HOMER1: variants seen among roughly 807,000 people sequenced by gnomAD.
HOMER1 encodes the protein homer scaffold protein 1.
A neutral mutation model predicts 48.9 loss-of-function variants in HOMER1; 3 were observed. The ratio of observed to expected loss-of-function variants is 0.06; its 90% CI spans 0.03 to 0.16. HOMER1 has a LOEUF of 0.16. HOMER1 is among the 10% of genes least tolerant of loss of function. The pLI is 1.00. For missense variants in HOMER1, 247 were observed against 411.4 expected (o/e 0.60, Z 3.46); for synonymous variants, 134 against 146.4 (o/e 0.92, Z 0.61).
Position 79,503,076 on chromosome 5 carries a change from T to C in HOMER1, c.5+9694A>G, listed in dbSNP as rs190332112. Among the ~76,000 whole-genome samples, 1,416 of 152,114 alleles carry C rather than the reference T, an allele frequency of 9.3e-3. 6 individuals are homozygous for C. Among genetic ancestry groups the C allele is most frequent in the Non-Finnish European group, 0.013 (877 of 67,982 alleles). ...TGCTGGGATTACAGGCGTGAGCCAC[T>C]GCGCCCAGCCTGCATGTAACTTTTA... On this transcript the variant is annotated intron_variant, in intron 1 of 8. Transcript: ENST00000334082.
intron 8 of HOMER1, among the ~76,000 whole-genome samples, chr5:79,391,717 T>C (rs1749258044): frequency 6.7e-6 from 1 of 149,682 alleles, no homozygotes; most frequent in African/African-American, 2.5e-5. Flanking sequence ...CATTCCAGCC[T>C]GGGCAACAGA....
chr5:79,387,726 C>T (rs1015309349), intron 8 of HOMER1, among the ~76,000 whole-genome samples: 1 of 152,096 alleles, frequency 6.6e-6, no homozygotes, highest in Non-Finnish European at 1.5e-5. Flanking sequence ...AACATACATT[C>T]TATAAGGAAG....
chr5:79,424,499 T>C (rs1750189522), intron 5 of HOMER1, among the ~76,000 whole-genome samples: 2 of 152,014 alleles, frequency 1.3e-5, no homozygotes, highest in Non-Finnish European at 2.9e-5. Context: ...TTCATAACTA[T>C]GGGAAAGCAT....
intron 8 of HOMER1, among the ~76,000 whole-genome samples, chr5:79,379,167 TATA>T (rs1748875013): frequency 1.9e-5 from 2 of 107,968 alleles, no homozygotes; most frequent in African/African-American, 7.3e-5. Context: ...AATATATTTA[TATA>T]TTATATATAT....
chr5:79,433,784 A>T (rs1179595045), intron 5 of HOMER1, among the ~76,000 whole-genome samples: 1 of 152,236 alleles, frequency 6.6e-6, no homozygotes, highest in Non-Finnish European at 1.5e-5. Context: ...AACTTTGATG[A>T]TAAATACAGA....
intron 5 of HOMER1, among the ~76,000 whole-genome samples, chr5:79,414,114 G>GTCTTTTGTTACC (rs1749878486): frequency 1.3e-5 from 2 of 151,946 alleles, no homozygotes; most frequent in Admixed American, 1.3e-4. Context: ...TTGAGATAGG[G>GTCTTTTGTTACC]TCTGGCTTTG....
intron 1 of HOMER1, chr5:79,511,010 C>T (rs1752928139): frequency 2.9e-6 from 1 of 346,768 alleles, no homozygotes; most frequent in Non-Finnish European, 5.2e-6. Context: ...AAAGAAACCT[C>T]AGGCAGGGAA....
intron 5 of HOMER1, 54 bp from the exon 6 acceptor site, chr5:79,402,109 G>A: frequency 7.0e-7 from 1 of 1,429,132 alleles, no homozygotes; most frequent in Non-Finnish European, 9.6e-7. Context: ...CTGTTACCTT[G>A]AAGGGACAGC....
At chr5:79,472,227 C>A (rs888285207) in intron 1 of HOMER1, among the ~76,000 whole-genome samples, 2 of 151,978 alleles carry the variant, frequency 1.3e-5, no homozygotes, top group Non-Finnish European at 1.5e-5. Flanking sequence ...GTTTAGAGTT[C>A]TTGATGGTGG....
intron 1 of HOMER1, among the ~76,000 whole-genome samples, chr5:79,487,525 C>A (rs1435868109): frequency 6.6e-6 from 1 of 152,024 alleles, no homozygotes; most frequent in Non-Finnish European, 1.5e-5. Context: ...ACAAACAGAA[C>A]AGAGGAACAT....
At chr5:79,431,194 GCTCCTGTAATC>G (rs1460502637) in intron 5 of HOMER1, among the ~76,000 whole-genome samples, 11 of 152,028 alleles carry the variant, frequency 7.2e-5, no homozygotes, top group Non-Finnish European at 1.6e-4. Context: ...ATAGTGGTGT[GCTCCTGTAATC>G]CCAGCTACTT....
intron 6 of HOMER1, among the ~76,000 whole-genome samples, chr5:79,398,858 A>G (rs545121895): frequency 6.6e-6 from 1 of 152,248 alleles, no homozygotes; most frequent in East Asian, 1.9e-4. Context: ...TTTAACTAGA[A>G]TGTCCTCTCT....
intron 5 of HOMER1, among the ~76,000 whole-genome samples, chr5:79,438,599 A>C (rs1169208680): frequency 6.6e-6 from 1 of 152,210 alleles, no homozygotes; most frequent in African/African-American, 2.4e-5. Context: ...TTCAGAGTGG[A>C]AAGCCTACTT....
At chr5:79,385,465 A>G (rs1749084725) in intron 8 of HOMER1, among the ~76,000 whole-genome samples, 1 of 152,192 alleles carries the variant, frequency 6.6e-6, no homozygotes, top group African/African-American at 2.4e-5. Context: ...TTCTCAAAAG[A>G]AGACATATTA....
chr5:79,381,897 A>G (rs1748991763), intron 8 of HOMER1, among the ~76,000 whole-genome samples: 1 of 151,806 alleles, frequency 6.6e-6, no homozygotes, highest in Non-Finnish European at 1.5e-5. Flanking sequence ...AAAAAAAAAA[A>G]GTACAAAGAA....
At chr5:79,460,222 T>G (rs1484229100) in intron 1 of HOMER1, among the ~76,000 whole-genome samples, 1 of 152,132 alleles carries the variant, frequency 6.6e-6, no homozygotes, top group Non-Finnish European at 1.5e-5. Context: ...ATCCCAGTGC[T>G]TTGGGAGGCC....
In HOMER1 at chr5:79,445,977, C is replaced by T. The variant is rs532724087; in HGVS notation, c.387+1076G>A. On this transcript the variant is annotated intron_variant, in intron 4 of 8. Coordinates refer to ENST00000334082, the MANE Select transcript of HOMER1 (RefSeq NM_004272.5). Reference sequence around the variant, plus strand: ...ACCCTATTGTTTGTGCGTGTGTGCACGCACGTGCATGTATTTTAACTTTAT... The same window carrying T: ...ACCCTATTGTTTGTGCGTGTGTGCATGCACGTGCATGTATTTTAACTTTAT... Among the ~76,000 whole-genome samples the T allele has an allele frequency of 4.6e-5, 7 of 152,248 alleles. No individual in the cohort carries two copies. In the South Asian group the frequency reaches 1.0e-3, roughly 23 times the overall value.
chr5:79,396,704 C>T, intron 8 of HOMER1, 119 bp downstream of exon 8: 1 of 515,070 alleles, frequency 1.9e-6, no homozygotes, highest in Non-Finnish European at 3.4e-6. Flanking sequence ...ATCAGAAGTC[C>T]CGGAAAAGAA....
intron 1 of HOMER1, among the ~76,000 whole-genome samples, chr5:79,464,582 T>A (rs1240166888): frequency 6.6e-6 from 1 of 152,180 alleles, no homozygotes; most frequent in African/African-American, 2.4e-5. Flanking sequence ...CTAGAAAGAA[T>A]TATCCTGTAC....
Sources: gnomAD v4.1 joint callset for allele counts (sites outside exome capture counted in the v4.1 genomes callset) on GRCh38, gnomAD v4.1.1 for gene constraint, MANE v1.5 for transcripts, NCBI Gene and HGNC (gene_info 2026-07-23, HGNC 2026-07-21) for gene names.